ANKRD54: variants seen among roughly 807,000 people sequenced by gnomAD.
The protein encoded by ANKRD54 is ankyrin repeat domain 54.
A neutral mutation model predicts 36.2 loss-of-function variants in ANKRD54; 26 were observed. The observed-to-expected ratio is 0.72, with a 90% confidence interval of 0.53 to 1.00. The LOEUF (loss-of-function observed/expected upper bound fraction) is 1.00, where lower values mean the gene tolerates loss of function less well. Among genes scored for constraint, ANKRD54 ranks in the 50% least tolerant of loss-of-function variants. The probability of loss-of-function intolerance (pLI) is 0.00; values close to 1 mark genes in which losing one functional copy is unlikely to be tolerated. For synonymous variants in ANKRD54, 209 were observed against 188.4 expected, an observed-to-expected ratio of 1.11 and a Z score of -0.89; for missense variants, 384 against 424.3, an observed-to-expected ratio of 0.91 and a Z score of 0.83.
chr22:37,840,464 C>T (rs971197010), intron 1 of ANKRD54, among the ~76,000 whole-genome samples: 34 of 151,476 alleles, frequency 2.2e-4, no homozygotes, highest in African/African-American at 7.5e-4. Flanking sequence ...GAGGCTGAGG[C>T]GGGTGAATGG....
intron 1 of ANKRD54, among the ~76,000 whole-genome samples, chr22:37,843,354 C>T (rs889112725): frequency 6.6e-6 from 1 of 152,038 alleles, no homozygotes; most frequent in Admixed American, 6.6e-5. Context: ...ACCCGGGGGG[C>T]GGAGGTTGCA....
upstream of ANKRD54, chr22:37,849,277 C>A: frequency 2.5e-6 from 2 of 789,280 alleles, no homozygotes; most frequent in Non-Finnish European, 4.4e-6. Flanking sequence ...CAGGTGTGAG[C>A]CACGGAACGC....
At position 37,844,152 on chromosome 22, in the gene ANKRD54, C is replaced by A. The variant is rs1195494261; in HGVS notation, c.87G>T (p.Pro29=). 2.0e-6 allele frequency: 3 copies of A among 1,497,146 alleles called. No homozygotes were observed. Among genetic ancestry groups the A allele is most frequent in the Admixed American group, 2.2e-5 (1 of 45,434 alleles). The allele number at this position is 1,497,146 out of a possible 1,614,324, so 92.7% of individuals were successfully genotyped here. A position where few individuals can be genotyped will look rare whatever the true frequency, so the allele number is the denominator to read the frequency against. Residue 29 remains proline, a synonymous_variant, in exon 1 of 8, where the codon CCG becomes CCT. Coordinates refer to ENST00000215941, the MANE Select transcript of ANKRD54 (RefSeq NM_138797.4). ...SEGECAVAPE[P]LTDAEGLFSF... Reference sequence around the variant, plus strand: ...AGAAGAGGCCCTCAGCGTCAGTCAGCGGCTCCGGCGCCACCGCGCACTCGC... The same window carrying A: ...AGAAGAGGCCCTCAGCGTCAGTCAGAGGCTCCGGCGCCACCGCGCACTCGC...
chr22:37,836,085 C>T (rs959582452), intron 3 of ANKRD54, among the ~76,000 whole-genome samples: 5 of 151,428 alleles, frequency 3.3e-5, no homozygotes, highest in Non-Finnish European at 5.9e-5. Context: ...CCACCCGCCT[C>T]GGCCTCCCAA....
intron 3 of ANKRD54, among the ~76,000 whole-genome samples, chr22:37,835,862 C>G (rs1423771524): frequency 3.3e-5 from 5 of 152,216 alleles, no homozygotes; most frequent in African/African-American, 9.6e-5. Context: ...GTTTTTGAGA[C>G]AGAGTCTTGC....
At chr22:37,844,383 C>A (rs1924697523), upstream of ANKRD54, 2 of 843,244 alleles carry the variant, frequency 2.4e-6, no homozygotes, top group Non-Finnish European at 3.5e-6. Flanking sequence ...GGGGCGGGCT[C>A]AGGCCGAGAC....
chr22:37,848,668 T>C (rs1480970478), upstream of ANKRD54: 1 of 150,520 alleles, frequency 6.6e-6, no homozygotes, highest in Non-Finnish European at 1.5e-5. Context: ...AGTGTAGGGA[T>C]TACAGGCGTG....
At position 37,844,334 on chromosome 22, in the gene ANKRD54, T is replaced by C. The variant is rs1249348969; in HGVS notation, c.-96A>G. The C allele has an allele frequency of 7.1e-7, 1 of 1,402,834 alleles. No homozygotes were observed. 86.9% of individuals were successfully genotyped at this position (1,402,834 alleles called of 1,614,324 possible). ...GCCCTGAGTCGTGCTGTCAGCGAGC[T>C]GGCGGGCGGGCAGGGCCCGCAACCA... On this transcript the variant is annotated 5_prime_UTR_variant, in exon 1 of 8. Transcript: ENST00000215941.
chr22:37,841,601 A>T (rs868162185), intron 1 of ANKRD54, among the ~76,000 whole-genome samples: 3 of 151,816 alleles, frequency 2.0e-5, no homozygotes, highest in Middle Eastern at 3.4e-3. Flanking sequence ...TGTAATCCCA[A>T]CACTTTGAGA....
At chr22:37,845,403 C>T (rs894541799), upstream of ANKRD54, among the ~76,000 whole-genome samples, 1 of 152,144 alleles carries the variant, frequency 6.6e-6, no homozygotes, top group Non-Finnish European at 1.5e-5. Flanking sequence ...CTCACAATCC[C>T]GTACCCCACA....
At chr22:37,846,496 G>A (rs924414936), upstream of ANKRD54, among the ~76,000 whole-genome samples, 6 of 152,050 alleles carry the variant, frequency 3.9e-5, no homozygotes, top group African/African-American at 7.2e-5. Flanking sequence ...TTGTAGACAT[G>A]GTCTCACTTT....
chr22:37,838,951 A>C (rs752636521), intron 2 of ANKRD54, among the ~76,000 whole-genome samples: 3 of 152,146 alleles, frequency 2.0e-5, no homozygotes, highest in African/African-American at 7.2e-5. Context: ...TTCTGGCTGG[A>C]AACAGCTGCC....
Position 37,831,720 on chromosome 22 carries a change from T to G in ANKRD54, c.*223A>C. On this transcript the variant is annotated 3_prime_UTR_variant, in exon 8 of 8. Coordinates refer to ENST00000215941, the MANE Select transcript of ANKRD54 (RefSeq NM_138797.4). ...TGGTGCTGCGAGAACTGGAAGAAGC[T>G]GGGAGCTGTGGTCCCTGTCCACAGA... 1.7e-6 allele frequency: 1 copy of G among 573,572 alleles called. No individual in the cohort carries two copies. Among genetic ancestry groups the G allele is most frequent in the Non-Finnish European group, 3.1e-6 (1 of 320,608 alleles). 35.5% of individuals were successfully genotyped at this position (573,572 alleles called of 1,614,324 possible).
upstream of ANKRD54, chr22:37,844,338 G>T (rs754822660): frequency 2.6e-5 from 35 of 1,361,878 alleles, no homozygotes; most frequent in African/African-American, 1.8e-4. Flanking sequence ...GCGAGCTGGC[G>T]GGCGGGCAGG....
intron 1 of ANKRD54, among the ~76,000 whole-genome samples, chr22:37,841,252 G>A (rs772267624): frequency 5.3e-5 from 8 of 152,102 alleles, no homozygotes; most frequent in South Asian, 2.1e-4. Context: ...CTAGCCATAC[G>A]TGGTGACTCA....
chr22:37,832,485 C>T (rs979074809), intron 7 of ANKRD54, 152 bp downstream of exon 7: 2 of 661,994 alleles, frequency 3.0e-6, no homozygotes, highest in South Asian at 1.9e-5. Context: ...ACTTCAGCCT[C>T]CCATAGCGTT....
chr22:37,838,632 G>A (rs1242439272), intron 2 of ANKRD54, 34 bp from the exon 3 acceptor site: 2 of 1,584,580 alleles, frequency 1.3e-6, no homozygotes, highest in Middle Eastern at 1.7e-4. Flanking sequence ...GGAAGGGGGA[G>A]AAAGCGGCGA....
At chr22:37,840,058 A>C in intron 2 of ANKRD54, 129 bp downstream of exon 2, 1 of 1,088,352 alleles carries the variant, frequency 9.2e-7, no homozygotes, top group Non-Finnish European at 1.4e-6. Context: ...ACAGTCAGAC[A>C]ATAAATACAG....
At position 37,844,216 on chromosome 22, in the gene ANKRD54, G is replaced by A. The variant is rs1453960697; in HGVS notation, c.23C>T (p.Ala8Val). 2.6e-6 allele frequency: 4 copies of A among 1,527,440 alleles called. No individual in the cohort carries two copies. The African/African-American group carries it at 5.8e-5, about 22-fold the overall frequency. The allele number at this position is 1,527,440 out of a possible 1,614,324, so 94.6% of individuals were successfully genotyped here. The part of the protein sequence containing the change: MAAAAGD[A>V]DDEPRSGHSS... The stretch of plus-strand genomic sequence containing the variant: ...GTGGCCTGAGCGCGGCTCGTCGTCC[G>A]CGTCCCCGGCGGCGGCTGCCATGGC... Residue 8 changes from alanine (A) to valine (V), a missense_variant, in exon 1 of 8, where the codon GCG becomes GTG. By Grantham distance (64) the Ala-to-Val change is moderately conservative. This residue lies in a region of ANKRD54 where 195 missense variants were observed against 177.7 expected (regional missense o/e 1.10). Transcript: ENST00000215941.
Sources: gnomAD v4.1 joint callset for allele counts (sites outside exome capture counted in the v4.1 genomes callset) on GRCh38, gnomAD v4.1.1 for gene constraint, gnomAD v4.1.1 regional missense constraint, MANE v1.5 for transcripts, NCBI Gene and HGNC (gene_info 2026-07-23, HGNC 2026-07-21) for gene names.